Variants in TAOK1 observed in about 807,000 individuals in gnomAD.
TAOK1 encodes the protein serine/threonine-protein kinase TAO1.
In TAOK1, 21 loss-of-function variants were observed where a neutral mutation model predicts 138.3. The observed-to-expected ratio is 0.15, with a 90% CI of 0.11 to 0.22. TAOK1 has a LOEUF of 0.22. TAOK1 is among the 10% of genes least tolerant of loss of function. The probability of loss-of-function intolerance (pLI) is 1.00; values close to 1 mark genes in which losing one functional copy is unlikely to be tolerated. For synonymous variants in TAOK1, 361 were observed against 398.4 expected, an observed-to-expected ratio of 0.91 and a Z score of 1.12; for missense variants, 651 against 1,227.7, an observed-to-expected ratio of 0.53 and a Z score of 7.02.
At chr17:29,418,225 C>T (rs1350966312) in intron 1 of TAOK1, among the ~76,000 whole-genome samples, 3 of 151,850 alleles carry the variant, frequency 2.0e-5, no homozygotes, top group East Asian at 1.9e-4. Context: ...GCTCTGTTGC[C>T]GAAGCTAAAG....
chr17:29,434,422 A>G (rs868253959), intron 1 of TAOK1, among the ~76,000 whole-genome samples: 5 of 152,238 alleles, frequency 3.3e-5, no homozygotes, highest in Middle Eastern at 6.8e-3. Flanking sequence ...CAATCTAGAA[A>G]GAGGGAAGCA....
At position 29,542,460 on chromosome 17, in the gene TAOK1, T is replaced by C. The variant is rs918352639; in HGVS notation, c.2545-101T>C. 6.2e-6 allele frequency: 6 copies of C among 972,428 alleles called. No homozygotes were observed. The African/African-American group carries it at 9.9e-5, about 16-fold the overall frequency. The allele number at this position is 972,428 out of a possible 1,614,324, so 60.2% of individuals were successfully genotyped here. On this transcript the variant is annotated intron_variant, in intron 19 of 19. Coordinates refer to ENST00000261716, the MANE Select transcript of TAOK1 (RefSeq NM_020791.4). ...TTTGAAACTCATGGACAAATATACA[T>C]CCATAAAATAACCACTTCAAAGCTG... is the stretch of plus-strand genomic sequence containing the variant.
chr17:29,468,938 G>C (rs11655851), intron 3 of TAOK1, among the ~76,000 whole-genome samples: 1 of 152,062 alleles, frequency 6.6e-6, no homozygotes, highest in African/African-American at 2.4e-5. Flanking sequence ...TGAGAAACGA[G>C]CAATGTATAA....
intron 8 of TAOK1, among the ~76,000 whole-genome samples, chr17:29,488,576 A>AAAAAATAATAAT (rs1555564492): frequency 6.9e-5 from 10 of 145,474 alleles, no homozygotes; most frequent in Middle Eastern, 3.6e-3. Flanking sequence ...ACATCTCAAA[A>AAAAAATAATAAT]AATAATAATA....
chr17:29,432,164 C>T (rs1428708662), intron 1 of TAOK1, among the ~76,000 whole-genome samples: 1 of 152,154 alleles, frequency 6.6e-6, no homozygotes, highest in Non-Finnish European at 1.5e-5. Flanking sequence ...GTTTTACCCA[C>T]ATATTTATTG....
chr17:29,398,371 A>G (rs992598379), intron 1 of TAOK1, among the ~76,000 whole-genome samples: 1 of 150,232 alleles, frequency 6.7e-6, no homozygotes, highest in African/African-American at 2.5e-5. Flanking sequence ...ATGCCCAGCT[A>G]ATTTTTTGTA....
chr17:29,516,399 A>G (rs997675819), intron 15 of TAOK1, among the ~76,000 whole-genome samples: 24 of 150,402 alleles, frequency 1.6e-4, no homozygotes, highest in Admixed American at 1.2e-3. Flanking sequence ...CAGTGGCACA[A>G]TCTTGGCTCA....
chr17:29,438,114 G>GAGA (rs1474611775), intron 1 of TAOK1, among the ~76,000 whole-genome samples: 2 of 152,130 alleles, frequency 1.3e-5, no homozygotes, highest in Non-Finnish European at 2.9e-5. Flanking sequence ...GGATGGTATT[G>GAGA]AGAAGACTGT....
At chr17:29,433,467 A>AAACC in intron 1 of TAOK1, among the ~76,000 whole-genome samples, 1 of 150,778 alleles carries the variant, frequency 6.6e-6, no homozygotes, top group South Asian at 2.1e-4. Flanking sequence ...TTCACTCTAG[A>AAACC]AACTAAGGCA....
intron 1 of TAOK1, among the ~76,000 whole-genome samples, chr17:29,423,026 A>G (rs1905502529): frequency 6.6e-6 from 1 of 152,024 alleles, no homozygotes; most frequent in African/African-American, 2.4e-5. Flanking sequence ...CACCGTTTCA[A>G]CGACAACAAC....
intron 18 of TAOK1, among the ~76,000 whole-genome samples, chr17:29,532,580 A>G (rs928859638): frequency 1.3e-5 from 2 of 152,116 alleles, no homozygotes; most frequent in Non-Finnish European, 2.9e-5. Flanking sequence ...GCATCTGTTT[A>G]ACAAAGCACA....
chr17:29,480,172 T>A (rs2031030922), intron 6 of TAOK1, 196 bp from the exon 7 acceptor site: 1 of 362,312 alleles, frequency 2.8e-6, no homozygotes, highest in Non-Finnish European at 4.9e-6. Context: ...TATTACTATA[T>A]GTTTATTTGA....
intron 19 of TAOK1, among the ~76,000 whole-genome samples, chr17:29,536,409 C>CTAACACGGTGAAACCCCGTCTCTACTA (rs1451658879): frequency 1.3e-5 from 2 of 152,078 alleles, no homozygotes; most frequent in East Asian, 3.9e-4. Context: ...ACCATCCTGG[C>CTAACACGGTGAAACCCCGTCTCTACTA]TAACACGGTG....
chr17:29,395,784 A>G (rs1904578313), intron 1 of TAOK1, among the ~76,000 whole-genome samples: 1 of 149,588 alleles, frequency 6.7e-6, no homozygotes, highest in Non-Finnish European at 1.5e-5. Context: ...CAACCTCCCA[A>G]GTAGCTGGCA....
chr17:29,512,378 T>TTTGGTTTG (rs1555566403), intron 15 of TAOK1: 1 of 149,728 alleles, frequency 6.7e-6, no homozygotes, highest in Non-Finnish European at 1.5e-5. Flanking sequence ...GCTTTTTGTT[T>TTTGGTTTG]GTTTGGTTTG....
chr17:29,492,034 G>A (rs1309326044), intron 10 of TAOK1, among the ~76,000 whole-genome samples, 169 bp downstream of exon 10: 1 of 152,028 alleles, frequency 6.6e-6, no homozygotes, highest in East Asian at 1.9e-4. Context: ...ACAGACACAT[G>A]CCACTGAACC....
At chr17:29,492,641 A>G (rs2031319172) in intron 10 of TAOK1, among the ~76,000 whole-genome samples, 1 of 151,660 alleles carries the variant, frequency 6.6e-6, no homozygotes, top group East Asian at 1.9e-4. Flanking sequence ...AAAATACAAA[A>G]ATTAGCTGGG....
At chr17:29,529,759 G>A (rs2032071166) in intron 17 of TAOK1, among the ~76,000 whole-genome samples, 1 of 152,012 alleles carries the variant, frequency 6.6e-6, no homozygotes, top group Admixed American at 6.6e-5. Flanking sequence ...CCAGCTATTC[G>A]GGAGGCTGAG....
At chr17:29,432,391 C>G (rs1184830270) in intron 1 of TAOK1, among the ~76,000 whole-genome samples, 1 of 152,190 alleles carries the variant, frequency 6.6e-6, no homozygotes, top group Non-Finnish European at 1.5e-5. Flanking sequence ...GCCCTCATTT[C>G]GGTAAACCCA....
Sources: allele counts gnomAD v4.1 joint callset (sites outside exome capture counted in the v4.1 genomes callset), GRCh38; gene constraint gnomAD v4.1.1; transcripts MANE v1.5; gene names NCBI Gene and HGNC (gene_info 2026-07-23, HGNC 2026-07-21).